SULF2: variants seen among roughly 807,000 people sequenced by gnomAD.
SULF2 encodes the protein sulfatase 2, also known as extracellular sulfatase Sulf-2.
SULF2 carries 52 observed loss-of-function variants against 107.7 expected under a neutral mutation model. That is an observed-to-expected ratio of 0.48 (90% confidence interval 0.39 to 0.61). SULF2 has a LOEUF of 0.61. Ranked by LOEUF, SULF2 falls within the 20% of genes least tolerant of loss-of-function variation. The pLI is 0.00. For synonymous variants in SULF2, 460 were observed against 464.3 expected, an observed-to-expected ratio of 0.99 and a Z score of 0.12; for missense variants, 993 against 1,177.3, an observed-to-expected ratio of 0.84 and a Z score of 2.29.
intron 2 of SULF2, among the ~76,000 whole-genome samples, chr20:47,742,053 C>T (rs779881866): frequency 3.3e-5 from 5 of 152,206 alleles, no homozygotes; most frequent in Non-Finnish European, 5.9e-5. Flanking sequence ...TGTCAATCCA[C>T]GAGTAAAGGA....
At chr20:47,760,940 G>A (rs2146926417) in intron 1 of SULF2, among the ~76,000 whole-genome samples, 1 of 152,344 alleles carries the variant, frequency 6.6e-6, no homozygotes. Flanking sequence ...GATGGTTAAG[G>A]ATGTGGACTT....
At chr20:47,665,794 A>G (rs1467853745) in intron 13 of SULF2, 63 bp downstream of exon 13, 8 of 1,422,412 alleles carry the variant, frequency 5.6e-6, no homozygotes, top group Non-Finnish European at 7.9e-6. Flanking sequence ...TCCCACTGTG[A>G]ACCGGGGGTC....
intron 4 of SULF2, 58 bp from the exon 5 acceptor site, chr20:47,690,353 C>T (rs1340649447): frequency 7.6e-7 from 1 of 1,315,130 alleles, no homozygotes; most frequent in Non-Finnish European, 9.9e-7. Context: ...ATACTGGTGT[C>T]CACTACGTGC....
intron 5 of SULF2, among the ~76,000 whole-genome samples, chr20:47,688,981 G>T (rs2088107033): frequency 6.6e-6 from 1 of 151,924 alleles, no homozygotes. Flanking sequence ...AGCAGGGGGT[G>T]GTCTGAGGCA....
chr20:47,678,878 C>A lies in SULF2; in HGVS notation c.1065-74G>T. 2 of 1,346,518 alleles carry A rather than the reference C, an allele frequency of 1.5e-6. No homozygotes were observed. Among genetic ancestry groups the A allele is most frequent in the South Asian group, 1.2e-5 (1 of 83,292 alleles). 83.4% of individuals were successfully genotyped at this position (1,346,518 alleles called of 1,614,324 possible). A position where few individuals can be genotyped will look rare whatever the true frequency, so the allele number is the denominator to read the frequency against. ...TCAGCCTCGCGTGGGGGGTGGGGAG[C>A]GGTAGGTGGGCAGCAGTTTGTGGGA... On this transcript the variant is annotated intron_variant, in intron 7 of 20. Transcript: ENST00000688720. The surrounding 1 kb of genome is among the most constrained non-coding windows in gnomAD (Gnocchi z 4.5).
chr20:47,709,011 T>C (rs980570680), intron 3 of SULF2, among the ~76,000 whole-genome samples: 1 of 152,190 alleles, frequency 6.6e-6, no homozygotes. Context: ...CCAAATTAGA[T>C]TTTGCTCTCA....
chr20:47,665,336 T>C (rs773182174), intron 13 of SULF2, 43 bp from the exon 14 acceptor site: 60 of 1,312,266 alleles, frequency 4.6e-5, no homozygotes, highest in Admixed American at 1.8e-4. Flanking sequence ...CCTTCAAGGC[T>C]GGACAACAAA....
At chr20:47,736,545 TACAC>T (rs1292727351) in intron 3 of SULF2, among the ~76,000 whole-genome samples, 154 bp downstream of exon 3, 1 of 152,210 alleles carries the variant, frequency 6.6e-6, no homozygotes, top group African/African-American at 2.4e-5. Context: ...ATTTCTTTAA[TACAC>T]ACAGAAATAA....
chr20:47,661,048 G>A (rs1238678431), intron 18 of SULF2, among the ~76,000 whole-genome samples: 1 of 152,038 alleles, frequency 6.6e-6, no homozygotes, highest in Non-Finnish European at 1.5e-5. Context: ...GCAAATGTCG[G>A]TGCCCAGGTT....
Position 47,678,542 on chromosome 20 carries a change from T to A in SULF2, c.1193+134A>T, listed in dbSNP as rs545447466. 2.2e-6 allele frequency: 2 copies of A among 897,166 alleles called. No individual in the cohort carries two copies. The highest frequency in any genetic ancestry group is 2.6e-5 in the Admixed American group (1 of 38,846). The allele number at this position is 897,166 out of a possible 1,614,324, so 55.6% of individuals were successfully genotyped here. On this transcript the variant is annotated intron_variant, in intron 8 of 20. Coordinates refer to ENST00000688720, the MANE Select transcript of SULF2 (RefSeq NM_001387048.1). This position sits in a 1 kb window ranked among gnomAD's most constrained non-coding sequence, Gnocchi z 4.5. ...CTTCTCTCCCACAGCAGGTAAGTGG[T>A]TGGCATGGCGGGACCTGAGAACCCC...
At chr20:47,712,455 T>A (rs1216236042) in intron 3 of SULF2, among the ~76,000 whole-genome samples, 1 of 152,232 alleles carries the variant, frequency 6.6e-6, no homozygotes, top group Non-Finnish European at 1.5e-5. Flanking sequence ...TCTACAGCAC[T>A]CTGCACTCTC....
At chr20:47,709,277 G>C (rs969693301) in intron 3 of SULF2, among the ~76,000 whole-genome samples, 1 of 152,224 alleles carries the variant, frequency 6.6e-6, no homozygotes, top group Non-Finnish European at 1.5e-5. Context: ...TGGCGTGGGG[G>C]TGGGAAAATT....
At chr20:47,744,539 C>A (rs550649182) in intron 2 of SULF2, among the ~76,000 whole-genome samples, 54 of 152,280 alleles carry the variant, frequency 3.5e-4, no homozygotes, top group African/African-American at 1.3e-3. Context: ...TGTGCTACCC[C>A]TATGTGAAGC....
In SULF2 at chr20:47,664,240, C is replaced by T. The variant is rs78623475; in HGVS notation, c.1998-51G>A. On this transcript the variant is annotated intron_variant, in intron 14 of 20. Transcript: ENST00000688720. ...GCTTCAGGAGTGGCTCAGAGGGCTCCGCTGGCAGGTGCAAGCTGTGATTTC... is the reference window on the plus strand; with the variant it reads ...GCTTCAGGAGTGGCTCAGAGGGCTCTGCTGGCAGGTGCAAGCTGTGATTTC... 3,825 of 1,563,708 alleles carry T rather than the reference C, an allele frequency of 2.4e-3. 105 individuals are homozygous for T. In the East Asian group the frequency reaches 0.067, roughly 27 times the overall value.
intron 3 of SULF2, among the ~76,000 whole-genome samples, chr20:47,729,430 C>T (rs979981724): frequency 6.6e-6 from 1 of 152,192 alleles, no homozygotes; most frequent in Non-Finnish European, 1.5e-5. Context: ...GGGTCATAAA[C>T]GCAGAAGCTG....
At chr20:47,706,640 A>G (rs2088747258) in intron 3 of SULF2, 2 of 152,328 alleles carry the variant, frequency 1.3e-5, no homozygotes, top group Non-Finnish European at 2.9e-5. Context: ...GCATAGCCCA[A>G]TCCCTTCCCT....
chr20:47,702,813 A>G (rs924136540), intron 3 of SULF2, 143 bp from the exon 4 acceptor site: 4 of 654,264 alleles, frequency 6.1e-6, no homozygotes, highest in Non-Finnish European at 1.0e-5. Context: ...CCCTTCTCCA[A>G]TGTTATTACG....
intron 2 of SULF2, among the ~76,000 whole-genome samples, chr20:47,738,500 G>A (rs2089799937): frequency 1.3e-5 from 2 of 152,152 alleles, no homozygotes; most frequent in South Asian, 4.1e-4. Context: ...ATATGGTTTG[G>A]CTGTGTCCCC....
chr20:47,698,998 T>A (rs2088475569), intron 4 of SULF2, among the ~76,000 whole-genome samples: 1 of 152,058 alleles, frequency 6.6e-6, no homozygotes, highest in Non-Finnish European at 1.5e-5. Flanking sequence ...ACCATTGCAC[T>A]CCAGTCTGGG....
Sources: allele counts gnomAD v4.1 joint callset (sites outside exome capture counted in the v4.1 genomes callset), GRCh38; gene constraint gnomAD v4.1.1; non-coding constraint Gnocchi (gnomAD v3.1); transcripts MANE v1.5; gene names NCBI Gene and HGNC (gene_info 2026-07-23, HGNC 2026-07-21).